Variants in NUAK1 observed in about 807,000 individuals in gnomAD.
NUAK1 encodes the protein NUAK family kinase 1.
In NUAK1, 26 loss-of-function variants were observed where a neutral mutation model predicts 56.9. The ratio of observed to expected loss-of-function variants is 0.46; its 90% confidence interval spans 0.33 to 0.63. The LOEUF (loss-of-function observed/expected upper bound fraction) is 0.63, where lower values mean the gene tolerates loss of function less well. Among genes scored for constraint, NUAK1 ranks in the 30% least tolerant of loss-of-function variants. The probability of loss-of-function intolerance (pLI) is 0.02; values close to 1 mark genes in which losing one functional copy is unlikely to be tolerated. For missense variants in NUAK1, 727 were observed against 876.1 expected, an observed-to-expected ratio of 0.83 and a Z score of 2.15; for synonymous variants, 337 against 336.0, an observed-to-expected ratio of 1.00 and a Z score of -0.03.
intron 1 of NUAK1, among the ~76,000 whole-genome samples, chr12:106,132,533 TG>T (rs2033089063): frequency 1.3e-5 from 2 of 152,168 alleles, no homozygotes; most frequent in Non-Finnish European, 2.9e-5. Context: ...TGGCATGGTG[TG>T]GGGGCATTTT....
chr12:106,084,325 T>G (rs2032550636), intron 3 of NUAK1, among the ~76,000 whole-genome samples: 1 of 152,224 alleles, frequency 6.6e-6, no homozygotes, highest in African/African-American at 2.4e-5. Flanking sequence ...TACTGGGGAC[T>G]CAAGATTGTG....
intron 6 of NUAK1, among the ~76,000 whole-genome samples, chr12:106,070,524 GT>G (rs2032394611): frequency 6.6e-6 from 1 of 152,182 alleles, no homozygotes; most frequent in African/African-American, 2.4e-5. Flanking sequence ...AAGAGATTAA[GT>G]GACTTGTCCA....
Position 106,133,706 on chromosome 12 carries a change from A to G in NUAK1, c.240+4708T>C, listed in dbSNP as rs1222812227. Among the ~76,000 whole-genome samples, 26 of 152,244 alleles carry G rather than the reference A, an allele frequency of 1.7e-4. 1 individual carries two copies. Among genetic ancestry groups the G allele is most frequent in the Admixed American group, 1.7e-3 (26 of 15,286 alleles). ...TCTCAAAAATATCAGCTGGTAGTAA[A>G]TAATGGTAGCAGTAGAAATATGATT... On this transcript the variant is annotated intron_variant, in intron 1 of 6. Coordinates refer to ENST00000261402, the MANE Select transcript of NUAK1 (RefSeq NM_014840.3).
At chr12:106,078,595 C>A (rs2032485807) in intron 4 of NUAK1, among the ~76,000 whole-genome samples, 1 of 152,202 alleles carries the variant, frequency 6.6e-6, no homozygotes, top group Admixed American at 6.5e-5. Flanking sequence ...TGTGGCTTCA[C>A]TCAAGACAGC....
chr12:106,074,223 T>G (rs2032438630), intron 4 of NUAK1, among the ~76,000 whole-genome samples: 1 of 152,104 alleles, frequency 6.6e-6, no homozygotes, highest in African/African-American at 2.4e-5. Flanking sequence ...AAGCACAAGA[T>G]AATTAATATA....
chr12:106,073,064 T>C (rs1300053651), intron 4 of NUAK1, among the ~76,000 whole-genome samples: 2 of 152,212 alleles, frequency 1.3e-5, no homozygotes, highest in Non-Finnish European at 1.5e-5. Context: ...CCATCACAAG[T>C]TCTACCAAAT....
rs1382621935 is a variant in NUAK1, at chr12:106,106,410, T to C, written c.356A>G (p.Tyr119Cys). Residue 119 changes from tyrosine (Y) to cysteine (C), a missense_variant, in exon 2 of 7, where the codon TAT (tyrosine) becomes TGT (cysteine). By Grantham distance (194) the Tyr-to-Cys change is radical. Coordinates refer to ENST00000261402, the MANE Select transcript of NUAK1 (RefSeq NM_014840.3). ...AAAAAAAAAAAATCACTGACCTTCA[T>C]AAATACTGATGATATGAGGATGGTT... ...SLNHPHIISIYEVFENKDKIV... is the reference protein window; with the variant it reads ...SLNHPHIISICEVFENKDKIV... 6.2e-7 allele frequency: 1 copy of C among 1,602,644 alleles called. No homozygotes were observed. The highest frequency in any genetic ancestry group is 2.2e-5 in the East Asian group (1 of 44,686).
intron 1 of NUAK1, among the ~76,000 whole-genome samples, chr12:106,133,213 G>GTGAA (rs2033097158): frequency 6.6e-6 from 1 of 152,040 alleles, no homozygotes; most frequent in Non-Finnish European, 1.5e-5. Context: ...CCAAACACAA[G>GTGAA]TGAATGAATG....
intron 1 of NUAK1, among the ~76,000 whole-genome samples, chr12:106,126,242 G>A (rs1433362405): frequency 2.6e-5 from 4 of 152,204 alleles, no homozygotes; most frequent in South Asian, 2.1e-4. Flanking sequence ...AGAGGTGGGT[G>A]AACTCAACGG....
chr12:106,068,364 G>A (rs1205687153), intron 6 of NUAK1, among the ~76,000 whole-genome samples: 1 of 152,232 alleles, frequency 6.6e-6, no homozygotes, highest in Non-Finnish European at 1.5e-5. Flanking sequence ...AGATAACCAT[G>A]GCTTTCTTTA....
rs778491781 is a variant in NUAK1, at chr12:106,086,857, G to A, written c.390C>T (p.Ile130=). 4.3e-6 allele frequency: 7 copies of A among 1,613,874 alleles called. No individual in the cohort carries two copies. The highest frequency in any genetic ancestry group is 5.9e-6 in the Non-Finnish European group (7 of 1,179,864). Reference sequence around the variant, plus strand: ...CCCCTTTGCTGGCATATTCCATGATGATCACAATCTTATCTTTGTTCTCAA... The same window carrying A: ...CCCCTTTGCTGGCATATTCCATGATAATCACAATCTTATCTTTGTTCTCAA... The part of the protein sequence containing the change: ...EVFENKDKIV[I]IMEYASKGEL... The change falls in exon 3 of 7, where the codon ATC becomes ATT. Residue 130 remains isoleucine, a synonymous_variant. Transcript: ENST00000261402.
intron 1 of NUAK1, among the ~76,000 whole-genome samples, chr12:106,135,545 T>C (rs1026936021): frequency 1.3e-5 from 2 of 152,240 alleles, no homozygotes; most frequent in African/African-American, 4.8e-5. Context: ...GAAGAACCCC[T>C]GCTTTCAACA....
At chr12:106,135,524 C>T (rs2033120737) in intron 1 of NUAK1, among the ~76,000 whole-genome samples, 1 of 152,224 alleles carries the variant, frequency 6.6e-6, no homozygotes, top group South Asian at 2.1e-4. Flanking sequence ...AGAAACTTCT[C>T]TCCTCTCTGA....
At chr12:106,098,137 C>T (rs967046176) in intron 2 of NUAK1, among the ~76,000 whole-genome samples, 1 of 152,196 alleles carries the variant, frequency 6.6e-6, no homozygotes, top group Non-Finnish European at 1.5e-5. Context: ...CAGTGATTTT[C>T]GCCAAGAGTG....
At chr12:106,081,923 A>C (rs553681874) in intron 4 of NUAK1, among the ~76,000 whole-genome samples, 1 of 152,288 alleles carries the variant, frequency 6.6e-6, no homozygotes, top group South Asian at 2.1e-4. Context: ...CCTTAGAAAA[A>C]TGTGGTGGCC....
intron 2 of NUAK1, among the ~76,000 whole-genome samples, chr12:106,104,784 AAG>A (rs1263248511): frequency 6.6e-6 from 1 of 152,198 alleles, no homozygotes; most frequent in Non-Finnish European, 1.5e-5. Flanking sequence ...ACTTCTAGAT[AAG>A]AGGCAAAAAT....
intron 2 of NUAK1, among the ~76,000 whole-genome samples, chr12:106,100,622 A>T (rs532113520): frequency 2.0e-5 from 3 of 152,196 alleles, no homozygotes; most frequent in Admixed American, 6.5e-5. Flanking sequence ...CCTAGTGCCT[A>T]GAATAGGGCC....
At chr12:106,076,084 G>T (rs980070000) in intron 4 of NUAK1, among the ~76,000 whole-genome samples, 1 of 152,230 alleles carries the variant, frequency 6.6e-6, no homozygotes, top group Non-Finnish European at 1.5e-5. Context: ...GGATACTGCG[G>T]AAAGGCAAAA....
At position 106,138,569 on chromosome 12, in the gene NUAK1, C is replaced by A; in HGVS notation, c.85G>T (p.Gly29Trp). Residue 29 changes from glycine (G) to tryptophan (W), a missense_variant, in exon 1 of 7, where the codon GGG becomes TGG. Transcript: ENST00000261402. This position sits in a 1 kb window ranked among gnomAD's most constrained non-coding sequence, Gnocchi z 5.0. ...APGSPREAVA[G>W]ATAALEPRKP... ...CTGGGCTCCAGGGCTGCAGTCGCCC[C>A]CGCCACCGCCTCTCGGGGAGAGCCC... The A allele has an allele frequency of 6.2e-7, 1 of 1,604,658 alleles. No individual in the cohort carries two copies. The highest frequency in any genetic ancestry group is 8.5e-7 in the Non-Finnish European group (1 of 1,178,712).
Sources: allele counts gnomAD v4.1 joint callset (sites outside exome capture counted in the v4.1 genomes callset), GRCh38; gene constraint gnomAD v4.1.1; non-coding constraint Gnocchi (gnomAD v3.1); transcripts MANE v1.5; gene names NCBI Gene and HGNC (gene_info 2026-07-23, HGNC 2026-07-21).